The following LDB2 variants were observed in gnomAD, a reference collection of about 807,000 sequenced individuals.
LDB2 encodes the protein LIM domain-binding protein 2.
LDB2 carries 12 observed loss-of-function variants against 44.3 expected under a neutral mutation model. That is an observed-to-expected ratio of 0.27 (90% confidence interval 0.17 to 0.44). The LOEUF (loss-of-function observed/expected upper bound fraction) is 0.44. Among genes scored for constraint, LDB2 ranks in the 20% least tolerant of loss-of-function variants. The pLI is 1.00. For missense variants in LDB2, 344 were observed against 473.5 expected (o/e 0.73, Z 2.54); for synonymous variants, 164 against 174.8 (o/e 0.94, Z 0.49).
intron 5 of LDB2, among the ~76,000 whole-genome samples, chr4:16,584,251 T>A (rs1220843253): frequency 6.6e-6 from 1 of 152,178 alleles, no homozygotes. Context: ...AACTAAACCC[T>A]ACAAGGAGCT....
chr4:16,844,726 G>C (rs1027984210), intron 1 of LDB2, among the ~76,000 whole-genome samples: 1 of 151,914 alleles, frequency 6.6e-6, no homozygotes, highest in South Asian at 2.1e-4. Context: ...CATTGGTTTC[G>C]AGTGCTACTT....
At chr4:16,881,033 G>A (rs912355571) in intron 1 of LDB2, among the ~76,000 whole-genome samples, 4 of 152,094 alleles carry the variant, frequency 2.6e-5, no homozygotes, top group African/African-American at 9.7e-5. Context: ...AACAGATACT[G>A]GTCCCACAGT....
chr4:16,798,348 G>T (rs1777135537), intron 1 of LDB2, among the ~76,000 whole-genome samples: 1 of 152,140 alleles, frequency 6.6e-6, no homozygotes, highest in Non-Finnish European at 1.5e-5. Context: ...ATAACTATGG[G>T]ATCAAGTCCA....
At chr4:16,865,273 G>A (rs1380639420) in intron 1 of LDB2, among the ~76,000 whole-genome samples, 1 of 152,090 alleles carries the variant, frequency 6.6e-6, no homozygotes, top group Non-Finnish European at 1.5e-5. Context: ...GAAACAAAGA[G>A]CCCATACCTA....
intron 1 of LDB2, among the ~76,000 whole-genome samples, chr4:16,850,160 G>A (rs1028494412): frequency 2.0e-5 from 3 of 152,086 alleles, no homozygotes; most frequent in South Asian, 2.1e-4. Flanking sequence ...GGAGAAAGTC[G>A]GCGGCGCTTT....
chr4:16,651,871 A>T (rs999042023), intron 2 of LDB2, among the ~76,000 whole-genome samples: 3 of 152,176 alleles, frequency 2.0e-5, no homozygotes, highest in Non-Finnish European at 4.4e-5. Context: ...CCATAGCAAA[A>T]CAGGTGTCAT....
intron 1 of LDB2, among the ~76,000 whole-genome samples, chr4:16,886,229 C>G (rs571261688): frequency 3.8e-4 from 58 of 152,084 alleles, no homozygotes; most frequent in African/African-American, 1.4e-3. Context: ...AAAAACAAAA[C>G]AAACCAACAA....
At chr4:16,898,191 A>C (rs1411650021) in intron 1 of LDB2, among the ~76,000 whole-genome samples, 163 bp downstream of exon 1, 1 of 151,866 alleles carries the variant, frequency 6.6e-6, no homozygotes, top group Non-Finnish European at 1.5e-5. Flanking sequence ...TGTGCCTGGA[A>C]ACCCAGCGTC....
At chr4:16,879,413 G>A (rs915518248) in intron 1 of LDB2, among the ~76,000 whole-genome samples, 11 of 152,292 alleles carry the variant, frequency 7.2e-5, no homozygotes, top group Admixed American at 4.6e-4. Flanking sequence ...GGTAGAACTC[G>A]CTGTTAGAAT....
chr4:16,725,163 A>C (rs2658509), intron 2 of LDB2, among the ~76,000 whole-genome samples: 71,964 of 151,912 alleles, frequency 0.47, 17,549 homozygotes, highest in East Asian at 0.81. Flanking sequence ...CTGACATGAA[A>C]CTGAGTTATT....
intron 2 of LDB2, among the ~76,000 whole-genome samples, chr4:16,704,474 G>A (rs1406905912): frequency 6.6e-6 from 1 of 152,198 alleles, no homozygotes; most frequent in Non-Finnish European, 1.5e-5. Flanking sequence ...TTAATTGGGA[G>A]TAGATAATAA....
At chr4:16,719,498 G>A (rs1222400907) in intron 2 of LDB2, among the ~76,000 whole-genome samples, 2 of 151,992 alleles carry the variant, frequency 1.3e-5, no homozygotes, top group South Asian at 2.1e-4. Flanking sequence ...GAAAATATTC[G>A]TCATGGTCCA....
intron 4 of LDB2, among the ~76,000 whole-genome samples, chr4:16,588,081 TAA>T (rs5856370): frequency 0.57 from 86,243 of 151,684 alleles, 25,693 homozygotes; most frequent in Admixed American, 0.7. Context: ...GACGACTTCT[TAA>T]GAGATTACAG....
At chr4:16,887,332 T>C (rs1267313924) in intron 1 of LDB2, among the ~76,000 whole-genome samples, 4 of 152,094 alleles carry the variant, frequency 2.6e-5, no homozygotes, top group Non-Finnish European at 5.9e-5. Flanking sequence ...ACTTCCATAA[T>C]CAGGAGCTTG....
At chr4:16,796,877 C>T (rs759061377) in intron 1 of LDB2, among the ~76,000 whole-genome samples, 1 of 152,126 alleles carries the variant, frequency 6.6e-6, no homozygotes, top group Non-Finnish European at 1.5e-5. Context: ...GAGGGACATT[C>T]TGCCAAATAC....
chr4:16,874,442 C>G (rs1044055654), intron 1 of LDB2, among the ~76,000 whole-genome samples: 7 of 152,160 alleles, frequency 4.6e-5, no homozygotes, highest in African/African-American at 1.7e-4. Flanking sequence ...GTCAAGCCAT[C>G]ATTGTCATTG....
intron 5 of LDB2, among the ~76,000 whole-genome samples, chr4:16,549,232 A>G (rs1019289949): frequency 2.6e-5 from 4 of 152,208 alleles, no homozygotes; most frequent in Admixed American, 2.6e-4. Context: ...AGGAGCACTC[A>G]GTGGTTTAGT....
chr4:16,795,429 G>C (rs1776558479), intron 1 of LDB2, among the ~76,000 whole-genome samples: 1 of 152,168 alleles, frequency 6.6e-6, no homozygotes, highest in East Asian at 1.9e-4. Context: ...CCTAACATTT[G>C]TCCTGAGGTG....
intron 1 of LDB2, among the ~76,000 whole-genome samples, chr4:16,885,980 C>CCGAAG (rs1473915425): frequency 3.3e-5 from 5 of 152,050 alleles, no homozygotes; most frequent in Non-Finnish European, 5.9e-5. Flanking sequence ...CTTTGGGAGG[C>CCGAAG]CGAAGCAAGA....
Sources: gnomAD v4.1 joint callset for allele counts (sites outside exome capture counted in the v4.1 genomes callset) on GRCh38, gnomAD v4.1.1 for gene constraint, MANE v1.5 for transcripts, NCBI Gene and HGNC (gene_info 2026-07-23, HGNC 2026-07-21) for gene names.